Variants in NPNT observed in about 807,000 individuals in gnomAD.
NPNT encodes preosteoblast EGF-like repeat protein with MAM domain.
NPNT carries 45 observed loss-of-function variants against 68.6 expected under a neutral mutation model. The observed-to-expected ratio is 0.66, with a 90% CI of 0.52 to 0.84. NPNT has a LOEUF of 0.84. Ranked by LOEUF, NPNT falls within the 40% of genes least tolerant of loss-of-function variation. NPNT has a pLI of 0.00. For synonymous variants in NPNT, 233 were observed against 253.3 expected (o/e 0.92, Z 0.76); for missense variants, 672 against 714.8 (o/e 0.94, Z 0.68).
chr4:105,970,938 T>C lies in NPNT; in HGVS notation c.*1948T>C, dbSNP rs1578706093. The C allele has an allele frequency of 6.5e-6, 2 of 306,652 alleles. No individual in the cohort carries two copies. Among genetic ancestry groups the C allele is most frequent in the East Asian group, 1.6e-4 (2 of 12,538 alleles). The allele number at this position is 306,652 out of a possible 1,614,324, so 19.0% of individuals were successfully genotyped here. A position where few individuals can be genotyped will look rare whatever the true frequency, so the allele number is the denominator to read the frequency against. On this transcript the variant is annotated 3_prime_UTR_variant, in exon 12 of 12. Coordinates refer to ENST00000379987, the MANE Select transcript of NPNT (RefSeq NM_001033047.3). ...AAATATCTCTCCCTTATGGCAATCC[T>C]AGCAGTATTAAAGAAAAAAGGAAAC...
chr4:105,916,002 GA>G, intron 2 of NPNT, among the ~76,000 whole-genome samples: 1 of 151,830 alleles, frequency 6.6e-6, no homozygotes, highest in East Asian at 1.9e-4. Flanking sequence ...GTAAGTTCTT[GA>G]AAAAAAATCT....
chr4:105,914,522 C>G (rs72968669), intron 2 of NPNT, among the ~76,000 whole-genome samples: 4,674 of 142,502 alleles, frequency 0.033, 241 homozygotes, highest in African/African-American at 0.11. Context: ...CTATTACCTG[C>G]ATGATCCAGG....
chr4:105,909,779 G>A (rs761169795), intron 2 of NPNT, among the ~76,000 whole-genome samples: 2 of 152,176 alleles, frequency 1.3e-5, no homozygotes, highest in Non-Finnish European at 2.9e-5. Flanking sequence ...TCTAGCTGAT[G>A]ATTAAGGTTG....
In NPNT at chr4:105,942,311, C is replaced by A; in HGVS notation, c.768C>A (p.Ile256=). ...YQGDGLTCVY[I]PKVMIEPSGP... ...TTAAGTCTTTGACTCTTTCAGATAT[C>A]CCAAAAGTTATGATTGAACCTTCAG... Residue 256 remains isoleucine (I), a synonymous_variant, in exon 8 of 12, where the codon ATC becomes ATA. Coordinates refer to ENST00000379987, the MANE Select transcript of NPNT (RefSeq NM_001033047.3). 1 of 1,591,022 alleles carries A rather than the reference C, an allele frequency of 6.3e-7. No individual in the cohort carries two copies. The highest frequency in any genetic ancestry group is 8.6e-7 in the Non-Finnish European group (1 of 1,165,080).
At chr4:105,926,988 G>C (rs1282867875) in intron 2 of NPNT, 1 of 158,996 alleles carries the variant, frequency 6.3e-6, no homozygotes, top group African/African-American at 2.4e-5. Context: ...ATATTTGAGG[G>C]AATGAGTTTG....
chr4:105,927,542 C>A, intron 3 of NPNT, 114 bp downstream of exon 3: 2 of 516,180 alleles, frequency 3.9e-6, no homozygotes, highest in Non-Finnish European at 3.5e-6. Flanking sequence ...AATATGTGAG[C>A]TGCCATTTTG....
intron 2 of NPNT, among the ~76,000 whole-genome samples, chr4:105,918,632 C>T (rs1728003291): frequency 6.6e-6 from 1 of 152,126 alleles, no homozygotes; most frequent in South Asian, 2.1e-4. Context: ...CCTTAACATG[C>T]ATCTGTTATC....
intron 2 of NPNT, among the ~76,000 whole-genome samples, chr4:105,899,486 T>G (rs935800669): frequency 1.3e-5 from 2 of 152,142 alleles, no homozygotes; most frequent in Non-Finnish European, 2.9e-5. Flanking sequence ...GACTAACCAG[T>G]GAGTGTACAG....
chr4:105,951,335 G>C (rs1730820888), intron 8 of NPNT, among the ~76,000 whole-genome samples: 1 of 152,200 alleles, frequency 6.6e-6, no homozygotes, highest in African/African-American at 2.4e-5. Context: ...ACATGAGACT[G>C]TGCTGCAATT....
intron 2 of NPNT, among the ~76,000 whole-genome samples, chr4:105,921,360 A>G (rs60963401): frequency 0.033 from 5,018 of 152,230 alleles, 249 homozygotes; most frequent in African/African-American, 0.11. Flanking sequence ...CAAGTCACTT[A>G]ATCTTTTGCA....
chr4:105,929,937 C>T (rs754595031), intron 3 of NPNT, among the ~76,000 whole-genome samples: 18 of 151,784 alleles, frequency 1.2e-4, no homozygotes, highest in Non-Finnish European at 2.1e-4. Context: ...AAGAAAAAAT[C>T]GAATGTATCA....
rs576908410 is a variant in NPNT at position 105,969,534 on chromosome 4, G to A, written c.*544G>A. ...GCCATTCACTTTATAAAATAAGGGTGTGTAACATATCAAGATACATTTATT... is the reference window on the plus strand; with the variant it reads ...GCCATTCACTTTATAAAATAAGGGTATGTAACATATCAAGATACATTTATT... On this transcript the variant is annotated 3_prime_UTR_variant, in exon 12 of 12. Transcript: ENST00000379987. 1 of 152,278 alleles carries A rather than the reference G, an allele frequency of 6.6e-6. No individual in the cohort carries two copies. The highest frequency in any genetic ancestry group is 2.4e-5 in the African/African-American group (1 of 41,520). 9.4% of individuals were successfully genotyped at this position (152,278 alleles called of 1,614,324 possible). A position where few individuals can be genotyped will look rare whatever the true frequency, so the allele number is the denominator to read the frequency against.
At chr4:105,905,064 A>G (rs1726773744) in intron 2 of NPNT, among the ~76,000 whole-genome samples, 1 of 151,514 alleles carries the variant, frequency 6.6e-6, no homozygotes, top group Non-Finnish European at 1.5e-5. Flanking sequence ...ACCTTTGTGT[A>G]TAGTATGGGC....
At chr4:105,953,038 C>T (rs1730949817) in intron 8 of NPNT, among the ~76,000 whole-genome samples, 1 of 152,082 alleles carries the variant, frequency 6.6e-6, no homozygotes, top group South Asian at 2.1e-4. Context: ...TGGTGGTGCA[C>T]ACCTGGAATC....
chr4:105,963,205 A>G (rs906245866), intron 10 of NPNT, among the ~76,000 whole-genome samples: 5 of 151,818 alleles, frequency 3.3e-5, no homozygotes, highest in African/African-American at 1.2e-4. Flanking sequence ...AGCCTAGGTG[A>G]CAAAGCAAGA....
intron 1 of NPNT, 191 bp downstream of exon 1, chr4:105,895,914 C>CG: frequency 1.7e-6 from 1 of 578,880 alleles, no homozygotes; most frequent in Non-Finnish European, 3.0e-6. Context: ...GCGGAGAGGG[C>CG]GCGCCCTTGC....
chr4:105,970,335 G>C lies in NPNT; in HGVS notation c.*1345G>C. On this transcript the variant is annotated 3_prime_UTR_variant, in exon 12 of 12. Coordinates refer to ENST00000379987, the MANE Select transcript of NPNT (RefSeq NM_001033047.3). The stretch of plus-strand genomic sequence containing the variant: ...TTAAAAGGCATCATTCCTGAGGTTT[G>C]TCTTAATTTCTGATTAAGTAATCAG... 1.5e-6 allele frequency: 1 copy of C among 676,166 alleles called. No individual in the cohort carries two copies. Among genetic ancestry groups the C allele is most frequent in the South Asian group, 1.6e-5 (1 of 62,610 alleles). 41.9% of individuals were successfully genotyped at this position (676,166 alleles called of 1,614,324 possible).
intron 2 of NPNT, among the ~76,000 whole-genome samples, chr4:105,924,418 GAAGA>G (rs1430992937): frequency 1.3e-5 from 2 of 152,154 alleles, no homozygotes; most frequent in African/African-American, 4.8e-5. Context: ...CTTTTTCTAA[GAAGA>G]AAGAAATTGA....
At chr4:105,944,405 A>C (rs6857507) in intron 8 of NPNT, among the ~76,000 whole-genome samples, 1 of 152,186 alleles carries the variant, frequency 6.6e-6, no homozygotes, top group African/African-American at 2.4e-5. Flanking sequence ...ATTTAATGTA[A>C]GATGATACGC....
Sources: allele counts gnomAD v4.1 joint callset (sites outside exome capture counted in the v4.1 genomes callset), GRCh38; gene constraint gnomAD v4.1.1; transcripts MANE v1.5; gene names NCBI Gene and HGNC (gene_info 2026-07-23, HGNC 2026-07-21).